LRRC17: variants seen among roughly 807,000 people sequenced by gnomAD.
The protein encoded by LRRC17 is leucine rich repeat containing 17.
A neutral mutation model predicts 41.5 loss-of-function variants in LRRC17; 33 were observed. The observed-to-expected ratio is 0.80, with a 90% CI of 0.60 to 1.06. LRRC17 has a LOEUF of 1.06. LRRC17 is among the 50% of genes least tolerant of loss of function. The pLI is 0.00. For missense variants in LRRC17, 491 were observed against 519.3 expected (o/e 0.95, Z 0.53); for synonymous variants, 192 against 197.0 (o/e 0.97, Z 0.21).
Position 102,933,905 on chromosome 7 carries a change from G to A in LRRC17, c.-9G>A. ...AACACGAAGTAATTGGGGCCAGCTG[G>A]ATGTCAGGATGCGTGTGGTTACCAT... is the stretch of plus-strand genomic sequence containing the variant. On this transcript the variant is annotated 5_prime_UTR_variant, in exon 2 of 4. Coordinates refer to ENST00000339431, the MANE Select transcript of LRRC17 (RefSeq NM_001031692.3). 1 of 1,586,986 alleles carries A rather than the reference G, an allele frequency of 6.3e-7. No individual in the cohort carries two copies. Among genetic ancestry groups the A allele is most frequent in the Non-Finnish European group, 8.6e-7 (1 of 1,163,662 alleles).
intron 2 of LRRC17, among the ~76,000 whole-genome samples, chr7:102,935,031 T>C (rs1820011816): frequency 6.6e-6 from 1 of 152,124 alleles, no homozygotes; most frequent in African/African-American, 2.4e-5. Context: ...TAAGTGCAAA[T>C]GCCATCTATA....
intron 3 of LRRC17, chr7:102,942,394 C>A (rs543968286): frequency 2.1e-6 from 3 of 1,433,142 alleles, no homozygotes; most frequent in East Asian, 4.9e-5. Context: ...ACGTGAATAA[C>A]AATCATATAA....
chr7:102,934,405 C>A lies in LRRC17; in HGVS notation c.492C>A (p.Pro164=). The change falls in exon 2 of 4, where the codon CCC becomes CCA. Residue 164 remains proline, a synonymous_variant. Transcript: ENST00000339431. ...GCTACCTGCGTCTTTATGACAACCCCTGGCACTGTACTTGTGAGATAGAAA... is the reference window on the plus strand; with the variant it reads ...GCTACCTGCGTCTTTATGACAACCCATGGCACTGTACTTGTGAGATAGAAA... ...LLSYLRLYDN[P]WHCTCEIETL... is the part of the protein sequence containing the mutation. 2 of 1,614,196 alleles carry A rather than the reference C, an allele frequency of 1.2e-6. No homozygotes were observed. The highest frequency in any genetic ancestry group is 1.7e-6 in the Non-Finnish European group (2 of 1,180,030).
At chr7:102,926,728 A>G (rs958938561) in intron 1 of LRRC17, among the ~76,000 whole-genome samples, 2 of 152,224 alleles carry the variant, frequency 1.3e-5, no homozygotes, top group Non-Finnish European at 2.9e-5. Flanking sequence ...GAAAGCAATT[A>G]AAAACTGATC....
intron 1 of LRRC17, chr7:102,926,479 G>C: frequency 1.3e-6 from 1 of 790,974 alleles, no homozygotes; most frequent in Non-Finnish European, 2.0e-6. Context: ...AAAAATACAT[G>C]TAAGAGTTGG....
intron 2 of LRRC17, 73 bp downstream of exon 2, chr7:102,934,758 C>T: frequency 2.4e-6 from 3 of 1,271,754 alleles, no homozygotes; most frequent in East Asian, 2.3e-5. Context: ...ATCCTCCCTA[C>T]ATCCCACCAT....
intron 1 of LRRC17, among the ~76,000 whole-genome samples, chr7:102,913,811 T>C (rs1815259308): frequency 6.6e-6 from 1 of 152,188 alleles, no homozygotes; most frequent in South Asian, 2.1e-4. Context: ...AAAGACTAAT[T>C]GATATGCAGA....
intron 1 of LRRC17, among the ~76,000 whole-genome samples, chr7:102,922,710 C>T (rs988785233): frequency 1.3e-5 from 2 of 152,154 alleles, no homozygotes; most frequent in Non-Finnish European, 1.5e-5. Flanking sequence ...TGGTGGCTCA[C>T]GCCTATAATC....
intron 3 of LRRC17, chr7:102,942,434 A>T (rs1414316299): frequency 8.6e-7 from 1 of 1,167,644 alleles, no homozygotes; most frequent in African/African-American, 1.6e-5. Flanking sequence ...GAAAAGAGAA[A>T]GAAGATACCC....
Position 102,924,157 on chromosome 7 carries a change from G to C in LRRC17, c.-140-9617G>C, listed in dbSNP as rs1169048126. On this transcript the variant is annotated intron_variant, in intron 1 of 3. Transcript: ENST00000339431. ...GGAGGCTGAGGCAGGAGAATTGCTTGAACCTGGGAGGCGAAGGTTGCGGTG... is the reference window on the plus strand; with the variant it reads ...GGAGGCTGAGGCAGGAGAATTGCTTCAACCTGGGAGGCGAAGGTTGCGGTG... Among the ~76,000 whole-genome samples the C allele has an allele frequency of 2.0e-5, 3 of 150,910 alleles. No homozygotes were observed. The East Asian group carries it at 5.9e-4, about 29-fold the overall frequency.
At chr7:102,914,720 G>C (rs1015966396) in intron 1 of LRRC17, among the ~76,000 whole-genome samples, 1 of 152,222 alleles carries the variant, frequency 6.6e-6, no homozygotes, top group Non-Finnish European at 1.5e-5. Context: ...AGAGCGAGGG[G>C]GAAGGCTTTG....
At chr7:102,913,363 G>T in intron 1 of LRRC17, 1 of 879,266 alleles carries the variant, frequency 1.1e-6, no homozygotes, top group Non-Finnish European at 1.7e-6. Context: ...CTCTCTACCT[G>T]TTAATTAAAG....
At chr7:102,924,238 C>CACA (rs1554460162) in intron 1 of LRRC17, among the ~76,000 whole-genome samples, 4 of 54,394 alleles carry the variant, frequency 7.4e-5, no homozygotes, top group African/African-American at 2.8e-4. Flanking sequence ...AACTCCGTCT[C>CACA]AAAAAAAAAA....
chr7:102,928,009 C>A (rs1442815999), intron 1 of LRRC17, among the ~76,000 whole-genome samples: 5 of 152,128 alleles, frequency 3.3e-5, no homozygotes, highest in Admixed American at 3.3e-4. Flanking sequence ...AGAGAGGCAG[C>A]CACAAAGATG....
chr7:102,938,933 T>C (rs1222340679), intron 2 of LRRC17, among the ~76,000 whole-genome samples: 1 of 152,212 alleles, frequency 6.6e-6, no homozygotes, highest in Admixed American at 6.5e-5. Context: ...TTTATATTCT[T>C]TTTCCAGCAC....
intron 1 of LRRC17, chr7:102,931,975 A>G: frequency 6.3e-7 from 1 of 1,586,080 alleles, no homozygotes; most frequent in South Asian, 1.1e-5. Flanking sequence ...ACATATTGCA[A>G]ATGTTTAAAC....
intron 1 of LRRC17, chr7:102,931,956 C>T (rs754248715): frequency 5.6e-6 from 9 of 1,608,314 alleles, no homozygotes; most frequent in Non-Finnish European, 7.7e-6. Context: ...AGTTACACGT[C>T]ACTAAACTAC....
intron 2 of LRRC17, among the ~76,000 whole-genome samples, chr7:102,936,854 T>C (rs1468895782): frequency 6.6e-6 from 1 of 152,244 alleles, no homozygotes; most frequent in Non-Finnish European, 1.5e-5. Context: ...AATGTCTCTT[T>C]TTCACTGCTT....
intron 1 of LRRC17, among the ~76,000 whole-genome samples, chr7:102,924,766 G>A (rs1456588758): frequency 6.7e-6 from 1 of 149,078 alleles, no homozygotes; most frequent in Non-Finnish European, 1.5e-5. Context: ...CTCAGCCTCC[G>A]AGTAGCTGGG....
Sources: gnomAD v4.1 joint callset for allele counts (sites outside exome capture counted in the v4.1 genomes callset) on GRCh38, gnomAD v4.1.1 for gene constraint, MANE v1.5 for transcripts, NCBI Gene and HGNC (gene_info 2026-07-23, HGNC 2026-07-21) for gene names.